KCNMA1: variants seen among roughly 807,000 people sequenced by gnomAD.
KCNMA1 encodes the protein potassium calcium-activated channel subfamily M alpha 1, also known as Calcium-activated potassium channel subunit alpha-1.
Under a neutral mutation model 140.0 loss-of-function variants are expected in KCNMA1, and 29 were observed. The observed-to-expected ratio is 0.21, with a 90% CI of 0.15 to 0.28. The LOEUF (loss-of-function observed/expected upper bound fraction) is 0.28. KCNMA1 is among the 10% of genes least tolerant of loss of function. The pLI is 1.00. For synonymous variants in KCNMA1, 612 were observed against 611.9 expected (o/e 1.00, Z 0.00); for missense variants, 880 against 1,602.2 (o/e 0.55, Z 7.70).
chr10:77,550,991 C>A (rs553158634), intron 1 of KCNMA1, among the ~76,000 whole-genome samples: 1 of 152,066 alleles, frequency 6.6e-6, no homozygotes, highest in Non-Finnish European at 1.5e-5. Flanking sequence ...GTGGGAAGAA[C>A]GCTATTCCTA....
intron 2 of KCNMA1, among the ~76,000 whole-genome samples, chr10:77,346,707 G>A (rs2092216196): frequency 6.6e-6 from 1 of 152,188 alleles, no homozygotes; most frequent in Non-Finnish European, 1.5e-5. Flanking sequence ...CATTGGCACA[G>A]ACTCTCACCC....
chr10:76,880,569 G>A (rs1046324302), downstream of KCNMA1, among the ~76,000 whole-genome samples: 23 of 152,298 alleles, frequency 1.5e-4, no homozygotes, highest in African/African-American at 4.8e-4. Flanking sequence ...GGTATTTTAC[G>A]AACAGATTCT....
intron 2 of KCNMA1, among the ~76,000 whole-genome samples, chr10:77,351,497 C>T (rs986542079): frequency 6.6e-6 from 1 of 152,342 alleles, no homozygotes; most frequent in African/African-American, 2.4e-5. Flanking sequence ...ATTTCAGCAG[C>T]ATGTCAGCCC....
At chr10:77,442,626 G>C (rs2097431991) in intron 1 of KCNMA1, among the ~76,000 whole-genome samples, 1 of 152,154 alleles carries the variant, frequency 6.6e-6, no homozygotes, top group African/African-American at 2.4e-5. Flanking sequence ...GACCTATCGA[G>C]AGAGCAGGTA....
intron 1 of KCNMA1, among the ~76,000 whole-genome samples, chr10:77,626,697 C>T (rs78026169): frequency 0.012 from 1,869 of 152,244 alleles, 34 homozygotes; most frequent in African/African-American, 0.042. Context: ...AGAACATCTC[C>T]CACAAACCCT....
At chr10:77,342,513 C>A (rs2091180751) in intron 2 of KCNMA1, among the ~76,000 whole-genome samples, 1 of 152,170 alleles carries the variant, frequency 6.6e-6, no homozygotes. Context: ...GACCACCCAA[C>A]CCCCAGCCAG....
intron 15 of KCNMA1, among the ~76,000 whole-genome samples, chr10:77,033,784 GT>G (rs2094121592): frequency 1.3e-5 from 2 of 152,018 alleles, no homozygotes; most frequent in Non-Finnish European, 2.9e-5. Context: ...AGGGTCAACG[GT>G]TTATTCACTA....
At chr10:77,475,996 G>T (rs1012997646) in intron 1 of KCNMA1, among the ~76,000 whole-genome samples, 2 of 152,146 alleles carry the variant, frequency 1.3e-5, no homozygotes, top group African/African-American at 2.4e-5. Context: ...CAACCACAAA[G>T]AGAAGGGTCT....
At position 77,112,480 on chromosome 10, in the gene KCNMA1, A is replaced by C. The variant is rs201788732; in HGVS notation, c.885-38T>G. On this transcript the variant is annotated intron_variant, in intron 6 of 27. Coordinates refer to ENST00000286628, the MANE Select transcript of KCNMA1 (RefSeq NM_001161352.2). The stretch of plus-strand genomic sequence containing the variant: ...CAACAAGCAAAATCCCCACGTTACC[A>C]AGGGAAGGCCCTGCTGGGGCTGCCT... 9.3e-5 allele frequency: 143 copies of C among 1,538,594 alleles called. No homozygotes were observed. In the African/African-American group the frequency reaches 1.9e-3, roughly 20 times the overall value.
chr10:76,987,965 T>C (rs2153276899), intron 19 of KCNMA1, among the ~76,000 whole-genome samples: 1 of 152,290 alleles, frequency 6.6e-6, no homozygotes, highest in East Asian at 1.9e-4. Flanking sequence ...GAGGAACTAA[T>C]TGAAAGGTTG....
intron 2 of KCNMA1, among the ~76,000 whole-genome samples, chr10:77,303,378 G>A (rs1447077099): frequency 1.3e-5 from 2 of 152,122 alleles, no homozygotes; most frequent in East Asian, 3.9e-4. Flanking sequence ...TTCCTAATCT[G>A]AAGGGGCCTC....
intron 2 of KCNMA1, among the ~76,000 whole-genome samples, chr10:77,369,186 C>A (rs1381786741): frequency 1.3e-5 from 2 of 152,166 alleles, no homozygotes; most frequent in African/African-American, 4.8e-5. Flanking sequence ...CATGGTATGT[C>A]TTGCCATTTC....
chr10:77,220,371 C>T (rs1001149492), intron 3 of KCNMA1, among the ~76,000 whole-genome samples: 3 of 152,168 alleles, frequency 2.0e-5, no homozygotes, highest in Admixed American at 6.5e-5. Flanking sequence ...ATGTGCTCTG[C>T]GGCCTGCTTA....
intron 3 of KCNMA1, among the ~76,000 whole-genome samples, chr10:77,216,222 T>C (rs1374663110): frequency 6.6e-6 from 1 of 152,126 alleles, no homozygotes; most frequent in African/African-American, 2.4e-5. Flanking sequence ...CCAATTGATA[T>C]AGGGTTTCTT....
intron 1 of KCNMA1, among the ~76,000 whole-genome samples, chr10:77,424,955 G>C (rs925061730): frequency 2.0e-5 from 3 of 152,248 alleles, no homozygotes; most frequent in African/African-American, 7.2e-5. Flanking sequence ...GCAGGAAGGA[G>C]AGGCAGCATG....
chr10:77,325,198 C>A (rs942783987), intron 2 of KCNMA1, among the ~76,000 whole-genome samples: 1 of 152,130 alleles, frequency 6.6e-6, no homozygotes, highest in Admixed American at 6.6e-5. Context: ...AACAGATTCA[C>A]CCTTTTGCTA....
chr10:77,236,224 C>T (rs1006936678), intron 3 of KCNMA1, among the ~76,000 whole-genome samples: 27 of 152,186 alleles, frequency 1.8e-4, no homozygotes, highest in African/African-American at 6.3e-4. Context: ...ATCCATGACT[C>T]CACATGGAGG....
At chr10:76,935,536 T>C (rs2060337047) in intron 23 of KCNMA1, among the ~76,000 whole-genome samples, 1 of 152,118 alleles carries the variant, frequency 6.6e-6, no homozygotes, top group African/African-American at 2.4e-5. Context: ...AAAATGAAGG[T>C]GGTAACTCTC....
At chr10:77,019,272 T>A in intron 16 of KCNMA1, 173 bp from the exon 17 acceptor site, 1 of 615,786 alleles carries the variant, frequency 1.6e-6, no homozygotes, top group South Asian at 1.9e-5. Flanking sequence ...TTTAGTTGGA[T>A]AATGCCATCA....
Sources: gnomAD v4.1 joint callset for allele counts (sites outside exome capture counted in the v4.1 genomes callset) on GRCh38, gnomAD v4.1.1 for gene constraint, MANE v1.5 for transcripts, NCBI Gene and HGNC (gene_info 2026-07-23, HGNC 2026-07-21) for gene names.